The following CRPPA variants were observed in gnomAD, a reference collection of about 807,000 sequenced individuals.
CRPPA encodes D-ribitol-5-phosphate cytidylyltransferase.
In CRPPA, 43 loss-of-function variants were observed where a neutral mutation model predicts 52.0. The observed-to-expected ratio is 0.83, with a 90% CI of 0.65 to 1.07. The LOEUF is 1.07. CRPPA is among the 50% of genes least tolerant of loss of function. CRPPA has a pLI of 0.00. For synonymous variants in CRPPA, 250 were observed against 203.5 expected, an observed-to-expected ratio of 1.23 and a Z score of -1.94; for missense variants, 629 against 551.7, an observed-to-expected ratio of 1.14 and a Z score of -1.40.
At chr7:16,143,373 G>C (rs1050693739) in intron 9 of CRPPA, among the ~76,000 whole-genome samples, 2 of 152,148 alleles carry the variant, frequency 1.3e-5, no homozygotes, top group South Asian at 4.1e-4. Flanking sequence ...ATTAAAGTCA[G>C]TGGAAATACA....
At chr7:16,399,078 G>A (rs113282573) in intron 2 of CRPPA, among the ~76,000 whole-genome samples, 3,183 of 152,342 alleles carry the variant, frequency 0.021, 51 homozygotes, top group South Asian at 0.066. Context: ...TGACCAACAC[G>A]TGACTGACAC....
intron 3 of CRPPA, among the ~76,000 whole-genome samples, chr7:16,375,295 A>T (rs912332424): frequency 6.6e-6 from 1 of 152,164 alleles, no homozygotes; most frequent in Non-Finnish European, 1.5e-5. Context: ...TGACTAAAGC[A>T]CTAGATTAGT....
At chr7:16,204,495 T>C (rs1228536633) in intron 9 of CRPPA, among the ~76,000 whole-genome samples, 4 of 151,924 alleles carry the variant, frequency 2.6e-5, no homozygotes, top group South Asian at 2.1e-4. Context: ...AAGGGGGAAA[T>C]TGATGAGAAA....
At chr7:16,158,990 G>A (rs577091512) in intron 9 of CRPPA, among the ~76,000 whole-genome samples, 6 of 152,192 alleles carry the variant, frequency 3.9e-5, no homozygotes, top group South Asian at 2.1e-4. Flanking sequence ...TCTATAAACC[G>A]AACTGATTTC....
intron 9 of CRPPA, among the ~76,000 whole-genome samples, chr7:16,206,097 C>G (rs1399164162): frequency 6.6e-6 from 1 of 152,028 alleles, no homozygotes; most frequent in Non-Finnish European, 1.5e-5. Flanking sequence ...ATTCTAAAAC[C>G]ACAAATGCAT....
chr7:16,113,975 G>A (rs1472790145), intron 9 of CRPPA, among the ~76,000 whole-genome samples: 1 of 151,496 alleles, frequency 6.6e-6, no homozygotes, highest in Non-Finnish European at 1.5e-5. Flanking sequence ...TAAATATAAA[G>A]GATATTTAAA....
chr7:16,359,529 A>G (rs1044733875), intron 3 of CRPPA, among the ~76,000 whole-genome samples: 12 of 152,148 alleles, frequency 7.9e-5, no homozygotes, highest in African/African-American at 2.9e-4. Context: ...CATCTGTGTC[A>G]CTTCTCAACT....
intron 3 of CRPPA, among the ~76,000 whole-genome samples, chr7:16,319,069 T>C (rs1406651058): frequency 6.6e-6 from 1 of 152,200 alleles, no homozygotes; most frequent in Non-Finnish European, 1.5e-5. Flanking sequence ...TAATTTTGGT[T>C]AAATCAGTAT....
intron 2 of CRPPA, among the ~76,000 whole-genome samples, chr7:16,397,056 G>C (rs1222203558): frequency 6.6e-6 from 1 of 152,168 alleles, no homozygotes; most frequent in Non-Finnish European, 1.5e-5. Flanking sequence ...TGTGACACAT[G>C]GGACAGGTGG....
At chr7:16,399,781 C>T (rs1375253903) in intron 2 of CRPPA, among the ~76,000 whole-genome samples, 1 of 151,784 alleles carries the variant, frequency 6.6e-6, no homozygotes, top group Non-Finnish European at 1.5e-5. Context: ...GGCTGACATG[C>T]TTGGCACGTG....
chr7:16,302,600 C>G (rs1784813121), intron 4 of CRPPA, among the ~76,000 whole-genome samples: 1 of 152,096 alleles, frequency 6.6e-6, no homozygotes, highest in Admixed American at 6.5e-5. Context: ...TTGAGAAATT[C>G]CTACCATATT....
At chr7:16,105,559 G>T (rs1465268867) in intron 9 of CRPPA, among the ~76,000 whole-genome samples, 5 of 152,042 alleles carry the variant, frequency 3.3e-5, no homozygotes, top group Non-Finnish European at 7.4e-5. Context: ...AGAAACAAAG[G>T]AGGCAGAGGT....
chr7:16,129,796 T>A (rs943142663), intron 9 of CRPPA, among the ~76,000 whole-genome samples: 1 of 152,152 alleles, frequency 6.6e-6, no homozygotes, highest in African/African-American at 2.4e-5. Context: ...TTTTTGTCTT[T>A]TCCTTTAATG....
In CRPPA at chr7:16,091,845, C is replaced by T. The variant is rs116944458; in HGVS notation, c.1252-46G>A. ...AGTAATATTTTAGAAAAAACATATG[C>T]CATGTGTTAAGTTTGATAAAAAGCC... On this transcript the variant is annotated intron_variant, in intron 9 of 9. Transcript: ENST00000407010. 20,975 of 1,151,594 alleles carry T rather than the reference C, an allele frequency of 0.018. 234 individuals are homozygous for T. Among genetic ancestry groups the T allele is most frequent in the Non-Finnish European group, 0.022 (18,117 of 829,572 alleles). 71.3% of individuals were successfully genotyped at this position (1,151,594 alleles called of 1,614,324 possible). A position where few individuals can be genotyped will look rare whatever the true frequency, so the allele number is the denominator to read the frequency against.
chr7:16,140,324 A>ATT (rs376608696), intron 9 of CRPPA, among the ~76,000 whole-genome samples: 5 of 145,388 alleles, frequency 3.4e-5, no homozygotes, highest in South Asian at 2.2e-4. Context: ...TGCCAGGCTA[A>ATT]TTTTTTTTTT....
At chr7:16,193,513 C>A (rs904752776) in intron 9 of CRPPA, among the ~76,000 whole-genome samples, 1 of 152,042 alleles carries the variant, frequency 6.6e-6, no homozygotes, top group East Asian at 1.9e-4. Flanking sequence ...ATTAGTGATA[C>A]ACTCTTGCTC....
chr7:16,397,364 T>C (rs377449387), intron 2 of CRPPA, among the ~76,000 whole-genome samples: 2 of 152,168 alleles, frequency 1.3e-5, no homozygotes, highest in South Asian at 2.1e-4. Flanking sequence ...GTGACTGACG[T>C]GTGTAACACG....
chr7:16,180,065 A>C (rs555184131), intron 9 of CRPPA, among the ~76,000 whole-genome samples: 1 of 152,210 alleles, frequency 6.6e-6, no homozygotes, highest in African/African-American at 2.4e-5. Context: ...GAGATAAATA[A>C]AATTTTATTT....
chr7:16,377,381 A>G (rs1786920430), intron 2 of CRPPA, among the ~76,000 whole-genome samples: 1 of 152,218 alleles, frequency 6.6e-6, no homozygotes, highest in East Asian at 1.9e-4. Context: ...AAGGAAATGC[A>G]TGTACACACA....
Sources: gnomAD v4.1 joint callset for allele counts (sites outside exome capture counted in the v4.1 genomes callset) on GRCh38, gnomAD v4.1.1 for gene constraint, MANE v1.5 for transcripts, NCBI Gene and HGNC (gene_info 2026-07-23, HGNC 2026-07-21) for gene names.